Variants in IL1RAPL1 observed in about 807,000 individuals in gnomAD.
The protein encoded by IL1RAPL1 is interleukin-1 receptor accessory protein-like 1.
IL1RAPL1 carries 3 observed loss-of-function variants against 48.4 expected under a neutral mutation model. The ratio of observed to expected loss-of-function variants is 0.06; its 90% CI spans 0.03 to 0.16. IL1RAPL1 has a LOEUF of 0.16. IL1RAPL1 is among the 10% of genes least tolerant of loss of function. IL1RAPL1 has a pLI of 1.00. For synonymous variants in IL1RAPL1, 185 were observed against 187.7 expected (o/e 0.99, Z 0.12); for missense variants, 349 against 530.6 (o/e 0.66, Z 3.36).
In IL1RAPL1 at chrX:29,323,711, TTTTATATATATATATATATATATATATA is replaced by T. The variant is rs1457024764; in HGVS notation, c.362+40496_362+40523del. On this transcript the variant is annotated intron_variant, in intron 3 of 10. Transcript: ENST00000378993. ...ACTACCTACCAACTCATACTGAATT[TTTTATATATATATATATATATATATATA>T]TATATATATATATATATATATATAT... 2.0e-3 allele frequency among the ~76,000 whole-genome samples: 25 copies of T among 12,768 alleles called. 3 individuals carry two copies. The highest frequency in any genetic ancestry group is 4.7e-3 in the African/African-American group (17 of 3,590). The allele number at this position is 12,768 out of a possible 115,157, so 11.1% of individuals were successfully genotyped here.
chrX:28,959,051 G>A (rs1488362133), intron 2 of IL1RAPL1, among the ~76,000 whole-genome samples: 1 of 110,951 alleles, frequency 9.0e-6, no homozygotes, highest in Non-Finnish European at 1.9e-5. Flanking sequence ...GTGACGATCA[G>A]CATATTTTAA....
chrX:29,578,451 A>G (rs1922845874), intron 5 of IL1RAPL1, among the ~76,000 whole-genome samples: 1 of 111,928 alleles, frequency 8.9e-6, no homozygotes, highest in Non-Finnish European at 1.9e-5. Context: ...CGTAACAAAC[A>G]TATTCTACAC....
At chrX:29,802,935 G>GCATGTA (rs1930012245) in intron 6 of IL1RAPL1, among the ~76,000 whole-genome samples, 5 of 43,840 alleles carry the variant, frequency 1.1e-4, no homozygotes, top group African/African-American at 4.6e-4. Flanking sequence ...ACATATATGT[G>GCATGTA]TACATATGTA....
At chrX:29,942,609 T>G (rs923619888) in intron 9 of IL1RAPL1, among the ~76,000 whole-genome samples, 36 of 109,062 alleles carry the variant, frequency 3.3e-4, no homozygotes, top group Non-Finnish European at 6.7e-4. Context: ...ATGACAAAGC[T>G]TTCTTCATCA....
intron 5 of IL1RAPL1, among the ~76,000 whole-genome samples, chrX:29,591,179 G>C (rs1267004145): frequency 8.9e-6 from 1 of 111,779 alleles, no homozygotes; most frequent in African/African-American, 3.3e-5. Context: ...AGTTGCTAGG[G>C]AGAGGCTTGT....
intron 2 of IL1RAPL1, among the ~76,000 whole-genome samples, chrX:28,838,790 C>T (rs897192286): frequency 9.0e-6 from 1 of 110,531 alleles, no homozygotes; most frequent in African/African-American, 3.3e-5. Flanking sequence ...TATGTATAAG[C>T]ATTAAATTAA....
At chrX:29,919,800 C>T (rs1373432435) in intron 7 of IL1RAPL1, 149 bp from the exon 8 acceptor site, 2 of 554,753 alleles carry the variant, frequency 3.6e-6, no homozygotes, top group Non-Finnish European at 6.2e-6. Context: ...AAGGGCATAA[C>T]TTAATTAACA....
Position 29,782,076 on chromosome X carries a change from A to ATCTG in IL1RAPL1, c.778+113596_778+113599dup, listed in dbSNP as rs72074858. Among the ~76,000 whole-genome samples the ATCTG allele has an allele frequency of 3.6e-3, 343 of 95,175 alleles. 1 individual carries two copies. Among genetic ancestry groups the ATCTG allele is most frequent in the African/African-American group, 0.012 (316 of 25,426 alleles). 82.6% of individuals were successfully genotyped at this position (95,175 alleles called of 115,157 possible). A position where few individuals can be genotyped will look rare whatever the true frequency, so the allele number is the denominator to read the frequency against. ...TCAGTTTCGTTGTTGATCCATATCT[A>ATCTG]TCTGTCTGTCTGTCTGTCTGTCTGT... On this transcript the variant is annotated intron_variant, in intron 6 of 10. Coordinates refer to ENST00000378993, the MANE Select transcript of IL1RAPL1 (RefSeq NM_014271.4).
chrX:28,757,505 G>T (rs2147249121), intron 1 of IL1RAPL1, among the ~76,000 whole-genome samples: 1 of 112,553 alleles, frequency 8.9e-6, no homozygotes. Context: ...GACTTGGAAA[G>T]TGAGGCCACA....
rs765596282 is a variant in IL1RAPL1, at chrX:28,938,652, C to T, written c.82+149227C>T. On this transcript the variant is annotated intron_variant, in intron 2 of 10. Coordinates refer to ENST00000378993, the MANE Select transcript of IL1RAPL1 (RefSeq NM_014271.4). ...ATGACAAAGATGCCAAAAGCAATTG[C>T]GACAAAAGCAAAAAATTGAAAAACG... is the stretch of plus-strand genomic sequence containing the variant. Among the ~76,000 whole-genome samples, 10 of 111,214 alleles carry T rather than the reference C, an allele frequency of 9.0e-5. No homozygotes were observed. In the South Asian group the frequency reaches 2.2e-3, roughly 25 times the overall value.
chrX:29,500,987 A>G (rs946079264), intron 5 of IL1RAPL1, among the ~76,000 whole-genome samples: 3 of 111,750 alleles, frequency 2.7e-5, no homozygotes, highest in African/African-American at 6.5e-5. Context: ...TTTAAAGACC[A>G]TTTTAACATG....
intron 6 of IL1RAPL1, among the ~76,000 whole-genome samples, chrX:29,862,222 G>C (rs1931603252): frequency 9.1e-6 from 1 of 110,239 alleles, no homozygotes; most frequent in African/African-American, 3.3e-5. Flanking sequence ...GGAAAGTCAG[G>C]TGTGAGGTCA....
chrX:28,824,131 TCTTA>T (rs967626474), intron 2 of IL1RAPL1, among the ~76,000 whole-genome samples: 19 of 111,575 alleles, frequency 1.7e-4, no homozygotes, highest in African/African-American at 6.2e-4. Context: ...TCCAATCGAT[TCTTA>T]CTTTAATTTA....
At chrX:29,651,661 TA>T (rs1925522037) in intron 5 of IL1RAPL1, among the ~76,000 whole-genome samples, 1 of 111,017 alleles carries the variant, frequency 9.0e-6, no homozygotes, top group South Asian at 3.8e-4. Flanking sequence ...AAAGGATATA[TA>T]ATTATAGTTA....
intron 5 of IL1RAPL1, among the ~76,000 whole-genome samples, chrX:29,645,760 A>G (rs1489589171): frequency 1.8e-5 from 2 of 111,779 alleles, no homozygotes; most frequent in African/African-American, 6.5e-5. Context: ...GCACACTCCA[A>G]TGCTGCACCA....
intron 2 of IL1RAPL1, among the ~76,000 whole-genome samples, chrX:29,120,538 T>C (rs1023125702): frequency 8.9e-6 from 1 of 112,055 alleles, no homozygotes; most frequent in Non-Finnish European, 1.9e-5. Context: ...TTTTGGTTAC[T>C]GTAGCCTTGT....
chrX:29,767,344 G>A (rs916996093), intron 6 of IL1RAPL1, among the ~76,000 whole-genome samples: 1 of 111,986 alleles, frequency 8.9e-6, no homozygotes, highest in African/African-American at 3.2e-5. Flanking sequence ...TCATTTGGAA[G>A]GTGTTTCCAT....
At chrX:28,942,071 C>T (rs756898664) in intron 2 of IL1RAPL1, 2 of 109,328 alleles carry the variant, frequency 1.8e-5, no homozygotes, top group Non-Finnish European at 3.8e-5. Context: ...AGAGAGAATA[C>T]GATAACTGAA....
chrX:29,133,271 T>A (rs2147485769), intron 2 of IL1RAPL1, among the ~76,000 whole-genome samples: 1 of 111,747 alleles, frequency 8.9e-6, no homozygotes, highest in Non-Finnish European at 1.9e-5. Flanking sequence ...AATGGTTGTA[T>A]AAAAGTGACA....
Sources: gnomAD v4.1 joint callset for allele counts (sites outside exome capture counted in the v4.1 genomes callset) on GRCh38, gnomAD v4.1.1 for gene constraint, MANE v1.5 for transcripts, NCBI Gene and HGNC (gene_info 2026-07-23, HGNC 2026-07-21) for gene names.